LNX2: variants seen among roughly 807,000 people sequenced by gnomAD.
LNX2 encodes the protein ligand of Numb protein X 2.
Under a neutral mutation model 66.2 loss-of-function variants are expected in LNX2, and 35 were observed. The observed-to-expected ratio is 0.53, with a 90% CI of 0.40 to 0.70. The LOEUF is 0.70. Ranked by LOEUF, LNX2 falls within the 30% of genes least tolerant of loss-of-function variation. The probability of loss-of-function intolerance (pLI) is 0.00; values close to 1 mark genes in which losing one functional copy is unlikely to be tolerated. For missense variants in LNX2, 791 were observed against 850.8 expected (o/e 0.93, Z 0.87); for synonymous variants, 337 against 315.6 (o/e 1.07, Z -0.72).
chr13:27,598,820 T>TAC (rs1955626686), intron 1 of LNX2, among the ~76,000 whole-genome samples: 1 of 152,134 alleles, frequency 6.6e-6, no homozygotes, highest in African/African-American at 2.4e-5. Flanking sequence ...AGTATATATA[T>TAC]ACACAAACAT....
At position 27,590,269 on chromosome 13, in the gene LNX2, C is replaced by CCAG. The variant is rs1393492899; in HGVS notation, c.-100-8467_-100-8466insCTG. 8.3e-4 allele frequency among the ~76,000 whole-genome samples: 126 copies of CCAG among 152,192 alleles called. 2 individuals carry two copies. The South Asian group carries it at 8.3e-3, about 10-fold the overall frequency. Reference sequence around the variant, plus strand: ...ATTTATTTATTTTTTGAGTCTCACCCTGTTGCCCAGGCTGGAATGCAGTGG... The same window carrying CCAG: ...ATTTATTTATTTTTTGAGTCTCACCCCAGTGTTGCCCAGGCTGGAATGCAGTGG... On this transcript the variant is annotated intron_variant, in intron 1 of 9. Coordinates refer to ENST00000316334, the MANE Select transcript of LNX2 (RefSeq NM_153371.4).
At chr13:27,615,466 T>C (rs1566135923) in intron 1 of LNX2, among the ~76,000 whole-genome samples, 1 of 152,076 alleles carries the variant, frequency 6.6e-6, no homozygotes, top group African/African-American at 2.4e-5. Flanking sequence ...CTTCATAACA[T>C]AGGTATGGTT....
At chr13:27,558,468 C>T (rs138795310) in intron 6 of LNX2, among the ~76,000 whole-genome samples, 53 of 152,128 alleles carry the variant, frequency 3.5e-4, no homozygotes, top group African/African-American at 1.2e-3. Flanking sequence ...TATAGGAATA[C>T]TGGAATTATT....
chr13:27,611,442 G>T (rs1955772038), intron 1 of LNX2, among the ~76,000 whole-genome samples: 1 of 152,182 alleles, frequency 6.6e-6, no homozygotes, highest in Non-Finnish European at 1.5e-5. Context: ...CAGGGACTGG[G>T]GAGAGGAGGA....
In LNX2 at chr13:27,548,241, G is replaced by A. The variant is rs935814407; in HGVS notation, c.*94C>T. 1.4e-5 allele frequency: 17 copies of A among 1,250,788 alleles called. No individual in the cohort carries two copies. In the African/African-American group the frequency reaches 2.4e-4, roughly 18 times the overall value. The allele number at this position is 1,250,788 out of a possible 1,614,324, so 77.5% of individuals were successfully genotyped here. A position where few individuals can be genotyped will look rare whatever the true frequency, so the allele number is the denominator to read the frequency against. On this transcript the variant is annotated 3_prime_UTR_variant, in exon 10 of 10. Coordinates refer to ENST00000316334, the MANE Select transcript of LNX2 (RefSeq NM_153371.4). ...GGCCCTGTGTATACCAGCAGTGTCAGCAGCTCCTAAACCACAAACACAATG... is the reference window on the plus strand; with the variant it reads ...GGCCCTGTGTATACCAGCAGTGTCAACAGCTCCTAAACCACAAACACAATG...
intron 8 of LNX2, among the ~76,000 whole-genome samples, chr13:27,551,129 C>G (rs1319932439): frequency 6.6e-6 from 1 of 151,128 alleles, no homozygotes; most frequent in Non-Finnish European, 1.5e-5. Flanking sequence ...CTTTTTTTTT[C>G]TATCATAGAC....
At position 27,566,441 on chromosome 13, in the gene LNX2, A is replaced by C. The variant is rs1955206837; in HGVS notation, c.855+1199T>G. ...CCTAGAATGTTGTGAGAAATGAATG[A>C]GCTGGTGTGCCTGAAATGAAGAATT... On this transcript the variant is annotated intron_variant, in intron 4 of 9. Transcript: ENST00000316334. Among the ~76,000 whole-genome samples, 3 of 152,222 alleles carry C rather than the reference A, an allele frequency of 2.0e-5. No individual in the cohort carries two copies. The South Asian group carries it at 6.2e-4, about 32-fold the overall frequency.
At chr13:27,616,408 TATGTTA>T (rs1955827761) in intron 1 of LNX2, among the ~76,000 whole-genome samples, 2 of 152,228 alleles carry the variant, frequency 1.3e-5, no homozygotes, top group South Asian at 4.1e-4. Flanking sequence ...ACTTAAAGTC[TATGTTA>T]ATGTTAATGT....
chr13:27,583,230 G>GCGCGCGCGTCCTCTCCTATATAACTT (rs1212537692), intron 1 of LNX2, among the ~76,000 whole-genome samples: 242 of 24,076 alleles, frequency 0.01, 48 homozygotes, highest in African/African-American at 0.045. Context: ...GTGTGTGTGT[G>GCGCGCGCGTCCTCTCCTATATAACTT]TGTGTGTGTG....
intron 8 of LNX2, among the ~76,000 whole-genome samples, chr13:27,552,507 G>T (rs775790326): frequency 6.6e-6 from 1 of 152,124 alleles, no homozygotes; most frequent in African/African-American, 2.4e-5. Flanking sequence ...TTAGTTTTAG[G>T]ATTCTTAGGT....
In LNX2 at chr13:27,562,564, C is replaced by CTTCG; in HGVS notation, c.1069_1072dup (p.Arg358ThrfsTer5). The CTTCG allele has an allele frequency of 6.2e-7, 1 of 1,614,152 alleles. No homozygotes were observed. The highest frequency in any genetic ancestry group is 8.5e-7 in the Non-Finnish European group (1 of 1,180,028). On this transcript the variant is annotated frameshift_variant, in exon 5 of 10. Transcript: ENST00000316334. LOFTEE classifies it high-confidence loss of function. ...AATAAAAACCCCTGGCTCATCTGTC[C>CTTCG]TTCGCACCAATTTAATGCCAAGCTG...
intron 1 of LNX2, among the ~76,000 whole-genome samples, chr13:27,597,135 C>T (rs1321140153): frequency 6.6e-6 from 1 of 152,138 alleles, no homozygotes; most frequent in Non-Finnish European, 1.5e-5. Context: ...TATCAGAGAT[C>T]AATCTGTCCT....
chr13:27,576,740 A>G (rs1176534691), intron 2 of LNX2, among the ~76,000 whole-genome samples: 1 of 151,732 alleles, frequency 6.6e-6, no homozygotes, highest in Non-Finnish European at 1.5e-5. Flanking sequence ...AAAAAAAAAG[A>G]AAAGAAAGGC....
chr13:27,569,875 T>A (rs1955256554), intron 2 of LNX2, among the ~76,000 whole-genome samples: 1 of 152,194 alleles, frequency 6.6e-6, no homozygotes, highest in Non-Finnish European at 1.5e-5. Context: ...AAATTAGAAT[T>A]TCAATAGAAT....
chr13:27,601,029 T>C (rs988047782), intron 1 of LNX2, among the ~76,000 whole-genome samples: 2 of 152,264 alleles, frequency 1.3e-5, no homozygotes, highest in Admixed American at 1.3e-4. Context: ...GGAAGAGTCT[T>C]ATAAAGTCCA....
At chr13:27,610,334 G>A (rs186773865) in intron 1 of LNX2, among the ~76,000 whole-genome samples, 20 of 152,318 alleles carry the variant, frequency 1.3e-4, no homozygotes, top group Non-Finnish European at 4.4e-5. Context: ...ATACTATGAA[G>A]CAGCTGAAAA....
intron 2 of LNX2, among the ~76,000 whole-genome samples, chr13:27,577,242 T>C (rs1014179348): frequency 6.6e-6 from 1 of 152,214 alleles, no homozygotes; most frequent in Admixed American, 6.5e-5. Flanking sequence ...GAGTTCTTTA[T>C]ATATTCTGGA....
At chr13:27,556,850 C>T (rs1286941599) in intron 6 of LNX2, among the ~76,000 whole-genome samples, 1 of 150,804 alleles carries the variant, frequency 6.6e-6, no homozygotes, top group Non-Finnish European at 1.5e-5. Context: ...ATTTTGGCAA[C>T]TGCCAGAAAA....
At chr13:27,553,912 C>T (rs2138318956) in intron 7 of LNX2, among the ~76,000 whole-genome samples, 1 of 152,256 alleles carries the variant, frequency 6.6e-6, no homozygotes, top group East Asian at 1.9e-4. Context: ...GGGCAAACAT[C>T]AGAATATGTA....
Sources: allele counts gnomAD v4.1 joint callset (sites outside exome capture counted in the v4.1 genomes callset), GRCh38; gene constraint gnomAD v4.1.1; transcripts MANE v1.5; gene names NCBI Gene and HGNC (gene_info 2026-07-23, HGNC 2026-07-21).